Variants in LDLRAP1 observed in about 807,000 individuals in gnomAD.
The protein encoded by LDLRAP1 is low density lipoprotein receptor adaptor protein 1.
Under a neutral mutation model 37.8 loss-of-function variants are expected in LDLRAP1, and 30 were observed. The ratio of observed to expected loss-of-function variants is 0.79; its 90% CI spans 0.59 to 1.08. The LOEUF (loss-of-function observed/expected upper bound fraction) is 1.08. Among genes scored for constraint, LDLRAP1 ranks in the 50% least tolerant of loss-of-function variants. The probability of loss-of-function intolerance (pLI) is 0.00; values close to 1 mark genes in which losing one functional copy is unlikely to be tolerated. For synonymous variants in LDLRAP1, 156 were observed against 169.8 expected, an observed-to-expected ratio of 0.92 and a Z score of 0.63; for missense variants, 375 against 401.6, an observed-to-expected ratio of 0.93 and a Z score of 0.57.
At chr1:25,553,098 A>G (rs1442410935) in intron 1 of LDLRAP1, among the ~76,000 whole-genome samples, 4 of 150,586 alleles carry the variant, frequency 2.7e-5, no homozygotes, top group African/African-American at 9.8e-5. Context: ...AGCCTCCCAC[A>G]TGCCCCTGTT....
At chr1:25,588,803 C>T in the LDLRAP1 span, among the ~76,000 whole-genome samples, 1 of 152,200 alleles carries the variant, frequency 6.6e-6, no homozygotes, top group Non-Finnish European at 1.5e-5. Flanking sequence ...TGTGGAGGGG[C>T]AACCCACCCC....
rs199630684 is a variant in LDLRAP1, at chr1:25,554,055, C to T, written c.222C>T (p.Ile74=). Reference sequence around the variant, plus strand: ...TGTCGGCCGCCGCCATCAAGAGGATCGTGGCTACAGTGAGCACCCCAGTCA... The same window carrying T: ...TGTCGGCCGCCGCCATCAAGAGGATTGTGGCTACAGTGAGCACCCCAGTCA... ...EELSAAAIKR[I]VATAKASGKK... Residue 74 remains isoleucine (I), a synonymous_variant, in exon 2 of 9, where the codon ATC becomes ATT. Transcript: ENST00000374338. The surrounding 1 kb of genome is among the most constrained non-coding windows in gnomAD (Gnocchi z 5.4). 4.3e-6 allele frequency: 7 copies of T among 1,613,912 alleles called. No individual in the cohort carries two copies. Among genetic ancestry groups the T allele is most frequent in the African/African-American group, 1.3e-5 (1 of 75,038 alleles).
chr1:25,558,700 C>G (rs1278292009), intron 4 of LDLRAP1, among the ~76,000 whole-genome samples: 1 of 152,184 alleles, frequency 6.6e-6, no homozygotes, highest in Non-Finnish European at 1.5e-5. Flanking sequence ...TCTCCTACCC[C>G]GCTCAGCACT....
chr1:25,563,878 A>ACC, intron 7 of LDLRAP1, 87 bp downstream of exon 7: 1 of 1,571,582 alleles, frequency 6.4e-7, no homozygotes, highest in Non-Finnish European at 8.7e-7. Flanking sequence ...AGGCCCTGGG[A>ACC]CCCGTGACTT....
chr1:25,556,452 C>T (rs79566668), intron 3 of LDLRAP1, among the ~76,000 whole-genome samples: 1,895 of 152,280 alleles, frequency 0.012, 28 homozygotes, highest in African/African-American at 0.04. Flanking sequence ...CACACACGCA[C>T]CCCACCCCTA....
rs2044162587 is a variant in LDLRAP1 at position 25,554,887 on chromosome 1, A to G, written c.259A>G (p.Lys87Glu). 1.2e-6 allele frequency: 2 copies of G among 1,614,216 alleles called. No homozygotes were observed. Among genetic ancestry groups the G allele is most frequent in the African/African-American group, 1.3e-5 (1 of 75,066 alleles). The change falls in exon 3 of 9, where the codon AAG becomes GAG. Residue 87 changes from lysine (K) to glutamate (E), a missense_variant. Transcript: ENST00000374338. The surrounding 1 kb of genome is among the most constrained non-coding windows in gnomAD (Gnocchi z 5.4). ...TAAGGCCAGTGGGAAGAAGCTGCAG[A>G]AGGTGACTCTGAAGGTGTCGCCACG... is the stretch of plus-strand genomic sequence containing the variant. The part of the protein sequence containing the change: ...TAKASGKKLQ[K>E]VTLKVSPRGI...
At chr1:25,586,560 A>G in the LDLRAP1 span, among the ~76,000 whole-genome samples, 2 of 149,832 alleles carry the variant, frequency 1.3e-5, no homozygotes, top group African/African-American at 5.0e-5. This position sits in a 1 kb window ranked among gnomAD's most constrained non-coding sequence, Gnocchi z 4.3. Context: ...GTGTGTGTGT[A>G]CGTGCGTGTG....
the LDLRAP1 span, among the ~76,000 whole-genome samples, chr1:25,576,991 C>T: frequency 1.3e-5 from 2 of 152,160 alleles, no homozygotes; most frequent in Non-Finnish European, 2.9e-5. Context: ...AGCTTCTGCC[C>T]GGTGCAGGGA....
Position 25,557,251 on chromosome 1 carries a change from G to C in LDLRAP1, c.443G>C (p.Cys148Ser). Reference protein sequence around the residue: ...NQSLECHAFLCTKRKMAQAVT... With the variant: ...NQSLECHAFLSTKRKMAQAVT... ...AGCCTCGAGTGCCACGCCTTCCTCT[G>C]CACCAAGCGGAAGATGGTCAGCGGG... Residue 148 changes from cysteine to serine, a missense_variant, in exon 4 of 9, where the codon TGC becomes TCC. Cys to Ser is a moderately radical substitution (Grantham distance 112). Coordinates refer to ENST00000374338, the MANE Select transcript of LDLRAP1 (RefSeq NM_015627.3). The C allele has an allele frequency of 6.2e-7, 1 of 1,602,880 alleles. No individual in the cohort carries two copies.
intron 4 of LDLRAP1, among the ~76,000 whole-genome samples, chr1:25,559,983 G>C (rs979989507): frequency 1.3e-5 from 2 of 151,700 alleles, no homozygotes; most frequent in African/African-American, 2.4e-5. Flanking sequence ...CCTGAAGTTA[G>C]AGTCAGTGAG....
intron 1 of LDLRAP1, among the ~76,000 whole-genome samples, chr1:25,545,233 T>G (rs1572017410): frequency 1.3e-5 from 2 of 148,210 alleles, no homozygotes; most frequent in Non-Finnish European, 3.0e-5. Context: ...GGAGGGAGGG[T>G]GGTGGGGCAG....
At position 25,567,102 on chromosome 1, in the gene LDLRAP1, C is replaced by T; in HGVS notation, c.*110C>T. 7 of 1,342,636 alleles carry T rather than the reference C, an allele frequency of 5.2e-6. No individual in the cohort carries two copies. Among genetic ancestry groups the T allele is most frequent in the Non-Finnish European group, 7.3e-6 (7 of 956,646 alleles). 83.2% of individuals were successfully genotyped at this position (1,342,636 alleles called of 1,614,324 possible). ...GCCTGCCACCTCTCCCAGCCCTCAGCATTGTCAGCCTGAAGATCAGAGCTG... is the reference window on the plus strand; with the variant it reads ...GCCTGCCACCTCTCCCAGCCCTCAGTATTGTCAGCCTGAAGATCAGAGCTG... On this transcript the variant is annotated 3_prime_UTR_variant, in exon 9 of 9. Transcript: ENST00000374338.
chr1:25,554,042 C>T lies in LDLRAP1; in HGVS notation c.209C>T (p.Ala70Val), dbSNP rs749612831. Residue 70 changes from alanine (A) to valine (V), a missense_variant, in exon 2 of 9, where the codon GCC (alanine) becomes GTC (valine). Physicochemically the swap from Ala to Val is moderately conservative, Grantham distance 64 (BLOSUM62 0). Transcript: ENST00000374338. The surrounding 1 kb of genome is among the most constrained non-coding windows in gnomAD (Gnocchi z 5.4). ...AAGGGTGAGGAGCTGTCGGCCGCCGCCATCAAGAGGATCGTGGCTACAGTG... is the reference window on the plus strand; with the variant it reads ...AAGGGTGAGGAGCTGTCGGCCGCCGTCATCAAGAGGATCGTGGCTACAGTG... Reference protein sequence around the residue: ...QPKGEELSAAAIKRIVATAKA... With the variant: ...QPKGEELSAAVIKRIVATAKA... 1 of 1,614,050 alleles carries T rather than the reference C, an allele frequency of 6.2e-7. No homozygotes were observed. The highest frequency in any genetic ancestry group is 1.1e-5 in the South Asian group (1 of 91,084).
intron 1 of LDLRAP1, among the ~76,000 whole-genome samples, chr1:25,547,017 A>G (rs2043951905): frequency 6.6e-6 from 1 of 152,148 alleles, no homozygotes; most frequent in African/African-American, 2.4e-5. Flanking sequence ...ACAAATAAAA[A>G]TAAAGCAGGG....
chr1:25,554,296 C>A lies in LDLRAP1; in HGVS notation c.231+232C>A, dbSNP rs1178004982. 6.6e-6 allele frequency among the ~76,000 whole-genome samples: 1 copy of A among 152,140 alleles called. No individual in the cohort carries two copies. Among genetic ancestry groups the A allele is most frequent in the Admixed American group, 6.5e-5 (1 of 15,292 alleles). Reference sequence around the variant, plus strand: ...TATGGCCTCTTCCAGCCTCCCCACCCCCAGCTCAGGCTCCCTACCAATGCA... The same window carrying A: ...TATGGCCTCTTCCAGCCTCCCCACCACCAGCTCAGGCTCCCTACCAATGCA... On this transcript the variant is annotated intron_variant, in intron 2 of 8. Transcript: ENST00000374338. The surrounding 1 kb of genome is among the most constrained non-coding windows in gnomAD (Gnocchi z 5.4).
chr1:25,548,185 T>C (rs77344422), intron 1 of LDLRAP1, among the ~76,000 whole-genome samples: 8,104 of 152,300 alleles, frequency 0.053, 305 homozygotes, highest in African/African-American at 0.11. Context: ...AATATGAGAA[T>C]GGTCATGGAC....
the LDLRAP1 span, among the ~76,000 whole-genome samples, chr1:25,584,745 G>A: frequency 1.3e-3 from 192 of 152,244 alleles, no homozygotes; most frequent in African/African-American, 4.4e-3. Flanking sequence ...TTGCCTTCTC[G>A]GCAAGCCCTA....
At chr1:25,572,996 G>A (rs1234825704), downstream of LDLRAP1, among the ~76,000 whole-genome samples, 3 of 151,346 alleles carry the variant, frequency 2.0e-5, no homozygotes, top group African/African-American at 2.4e-5. Flanking sequence ...CCAGACGGCC[G>A]ATTTTTAGCC....
Position 25,562,675 on chromosome 1 carries a change from C to T in LDLRAP1, c.491C>T (p.Ala164Val). The change falls in exon 5 of 9, where the codon GCC becomes GTC. Residue 164 changes from alanine to valine, a missense_variant. Physicochemically the swap from Ala to Val is moderately conservative, Grantham distance 64. Transcript: ENST00000374338. ...GCTGTTACCCTCACCGTAGCCCAGGCCTTCAAAGTCGCCTTTGAGTTTTGG... is the reference window on the plus strand; with the variant it reads ...GCTGTTACCCTCACCGTAGCCCAGGTCTTCAAAGTCGCCTTTGAGTTTTGG... ...AQAVTLTVAQ[A>V]FKVAFEFWQV... is the part of the protein sequence containing the mutation. 6.2e-7 allele frequency: 1 copy of T among 1,614,206 alleles called. No homozygotes were observed. The highest frequency in any genetic ancestry group is 1.3e-5 in the African/African-American group (1 of 75,058).
Sources: gnomAD v4.1 joint callset for allele counts (sites outside exome capture counted in the v4.1 genomes callset) on GRCh38, gnomAD v4.1.1 for gene constraint, Gnocchi (gnomAD v3.1) non-coding constraint, MANE v1.5 for transcripts, NCBI Gene and HGNC (gene_info 2026-07-23, HGNC 2026-07-21) for gene names.